Variants in NAMPT observed in about 807,000 individuals in gnomAD.
NAMPT encodes NAmPRTase.
Under a neutral mutation model 58.7 loss-of-function variants are expected in NAMPT, and 7 were observed. That is an observed-to-expected ratio of 0.12 (90% CI 0.07 to 0.22). The LOEUF is 0.22. Among genes scored for constraint, NAMPT ranks in the 10% least tolerant of loss-of-function variants. NAMPT has a pLI of 1.00. For synonymous variants in NAMPT, 145 were observed against 198.1 expected (o/e 0.73, Z 2.25); for missense variants, 271 against 567.9 (o/e 0.48, Z 5.31).
chr7:106,255,725 T>C (rs987422343), intron 8 of NAMPT, among the ~76,000 whole-genome samples: 1 of 152,200 alleles, frequency 6.6e-6, no homozygotes, highest in South Asian at 2.1e-4. Flanking sequence ...CATGTCTTTA[T>C]TGTACCTGAA....
At chr7:106,257,146 A>G (rs1792215687) in intron 8 of NAMPT, among the ~76,000 whole-genome samples, 1 of 148,536 alleles carries the variant, frequency 6.7e-6, no homozygotes. Context: ...CTCCATCTCA[A>G]AAAAAAAAAA....
intron 1 of NAMPT, among the ~76,000 whole-genome samples, chr7:106,278,669 C>A (rs566567075): frequency 3.9e-4 from 59 of 152,228 alleles, no homozygotes; most frequent in Non-Finnish European, 6.8e-4. Flanking sequence ...ATAAATATGA[C>A]CACTACCTCA....
At chr7:106,268,699 C>T in intron 5 of NAMPT, 99 bp from the exon 6 acceptor site, 1 of 807,320 alleles carries the variant, frequency 1.2e-6, no homozygotes, top group Non-Finnish European at 2.1e-6. Context: ...TAGCATAGCT[C>T]CCATAAGAAT....
intron 8 of NAMPT, among the ~76,000 whole-genome samples, chr7:106,259,476 G>A (rs767431327): frequency 1.3e-5 from 2 of 152,110 alleles, no homozygotes; most frequent in Admixed American, 1.3e-4. Flanking sequence ...TGCCCAGGCT[G>A]GAGTGCAGTG....
chr7:106,283,648 G>C (rs1386521771), intron 1 of NAMPT, among the ~76,000 whole-genome samples: 1 of 152,156 alleles, frequency 6.6e-6, no homozygotes, highest in Non-Finnish European at 1.5e-5. Context: ...AATCATACTT[G>C]ATAGTGTTCG....
chr7:106,266,048 G>T (rs116847305), intron 6 of NAMPT, among the ~76,000 whole-genome samples: 425 of 152,240 alleles, frequency 2.8e-3, no homozygotes, highest in Non-Finnish European at 4.9e-3. Flanking sequence ...TGTTTGGTTG[G>T]ATGGAAGAAA....
chr7:106,279,606 TG>T (rs1792721004), intron 1 of NAMPT, among the ~76,000 whole-genome samples: 1 of 152,252 alleles, frequency 6.6e-6, no homozygotes, highest in Non-Finnish European at 1.5e-5. Flanking sequence ...GAAAATTGGA[TG>T]ATATAGCATA....
intron 2 of NAMPT, chr7:106,275,277 G>A: frequency 3.3e-6 from 1 of 305,232 alleles, no homozygotes; most frequent in East Asian, 5.4e-5. Flanking sequence ...ATGTGTAATA[G>A]AAAAAATTAT....
intron 1 of NAMPT, among the ~76,000 whole-genome samples, chr7:106,277,716 T>TAA (rs905351570): frequency 6.6e-6 from 1 of 151,408 alleles, no homozygotes; most frequent in Non-Finnish European, 1.5e-5. Context: ...AGCAGCAAAG[T>TAA]AAAAAAAAAT....
At chr7:106,284,336 C>T (rs1792822143) in intron 1 of NAMPT, 1 of 150,394 alleles carries the variant, frequency 6.6e-6, no homozygotes, top group Admixed American at 6.6e-5. Context: ...CCTCGCGCCC[C>T]GGGAGACTTA....
chr7:106,285,148 A>T (rs933837111), upstream of NAMPT: 21 of 1,263,108 alleles, frequency 1.7e-5, no homozygotes, highest in Admixed American at 7.5e-5. Flanking sequence ...CCCCGCCTTC[A>T]CCCCGTCACC....
intron 3 of NAMPT, among the ~76,000 whole-genome samples, chr7:106,274,212 T>C (rs1792590119): frequency 1.3e-5 from 2 of 151,870 alleles, no homozygotes; most frequent in Non-Finnish European, 2.9e-5. Flanking sequence ...TGTGTAGTGA[T>C]AGACTCACAG....
Position 106,259,766 on chromosome 7 carries a change from T to C in NAMPT, c.1089+1822A>G, listed in dbSNP as rs180935658. ...AATAGCATCTGAAATTACTCTTTGA[T>C]GGATAGGCTGTCGAACGGACGTTGT... is the stretch of plus-strand genomic sequence containing the variant. On this transcript the variant is annotated intron_variant, in intron 8 of 10. Coordinates refer to ENST00000222553, the MANE Select transcript of NAMPT (RefSeq NM_005746.3). Among the ~76,000 whole-genome samples the C allele has an allele frequency of 2.4e-4, 37 of 152,248 alleles. No homozygotes were observed. In the Middle Eastern group the frequency reaches 0.01, roughly 42 times the overall value.
At chr7:106,280,239 C>G (rs900763710) in intron 1 of NAMPT, among the ~76,000 whole-genome samples, 1 of 151,896 alleles carries the variant, frequency 6.6e-6, no homozygotes, top group South Asian at 2.1e-4. Context: ...GGAACTACGC[C>G]GATAAATTGG....
chr7:106,283,878 A>G (rs990126316), intron 1 of NAMPT, among the ~76,000 whole-genome samples: 1 of 152,216 alleles, frequency 6.6e-6, no homozygotes, highest in African/African-American at 2.4e-5. Context: ...AAAACATGAG[A>G]GTACTATGTT....
At chr7:106,270,146 G>A (rs1053209589) in intron 4 of NAMPT, 3 of 212,420 alleles carry the variant, frequency 1.4e-5, no homozygotes, top group African/African-American at 2.4e-5. Context: ...CTTTTTTCTT[G>A]GTTGTCAGGA....
At chr7:106,280,813 C>A (rs1051975613) in intron 1 of NAMPT, among the ~76,000 whole-genome samples, 77 of 151,810 alleles carry the variant, frequency 5.1e-4, no homozygotes, top group African/African-American at 1.8e-3. Context: ...TGGTGGCACG[C>A]GCCTGTAGTC....
At chr7:106,273,955 TAAAAG>T (rs1255356881) in intron 3 of NAMPT, among the ~76,000 whole-genome samples, 2 of 151,818 alleles carry the variant, frequency 1.3e-5, no homozygotes. Context: ...TTGTGAGACT[TAAAAG>T]TAACACTCAA....
At chr7:106,281,383 C>G (rs1261468669) in intron 1 of NAMPT, among the ~76,000 whole-genome samples, 1 of 152,066 alleles carries the variant, frequency 6.6e-6, no homozygotes, top group Non-Finnish European at 1.5e-5. Context: ...GATCACATGA[C>G]CAAATGCAAG....
Sources: gnomAD v4.1 joint callset for allele counts (sites outside exome capture counted in the v4.1 genomes callset) on GRCh38, gnomAD v4.1.1 for gene constraint, MANE v1.5 for transcripts, NCBI Gene and HGNC (gene_info 2026-07-23, HGNC 2026-07-21) for gene names.